MITF: variants seen among roughly 807,000 people sequenced by gnomAD.
MITF encodes microphthalmia-associated transcription factor.
A neutral mutation model predicts 60.5 loss-of-function variants in MITF; 17 were observed. The ratio of observed to expected loss-of-function variants is 0.28; its 90% CI spans 0.19 to 0.42. MITF has a LOEUF of 0.42. MITF is among the 10% of genes least tolerant of loss of function. The pLI, the probability that MITF is intolerant of heterozygous loss-of-function variation, is 1.00. For missense variants in MITF, 622 were observed against 683.5 expected (o/e 0.91, Z 1.00); for synonymous variants, 260 against 248.5 (o/e 1.05, Z -0.43).
chr3:69,893,013 T>C (rs1432552775), intron 2 of MITF, among the ~76,000 whole-genome samples: 1 of 152,196 alleles, frequency 6.6e-6, no homozygotes, highest in African/African-American at 2.4e-5. Flanking sequence ...GATCAACTCT[T>C]TCTGATGCTG....
intron 1 of MITF, among the ~76,000 whole-genome samples, chr3:69,791,701 T>A (rs1366407466): frequency 6.6e-6 from 1 of 152,206 alleles, no homozygotes; most frequent in Non-Finnish European, 1.5e-5. Flanking sequence ...GCTGGTGGCA[T>A]CTAATGGCAA....
chr3:69,954,081 A>G lies in MITF; in HGVS notation c.955+2195A>G, dbSNP rs547537044. Among the ~76,000 whole-genome samples the G allele has an allele frequency of 1.4e-4, 22 of 152,236 alleles. 1 individual carries two copies. The highest frequency in any genetic ancestry group is 4.6e-4 in the African/African-American group (19 of 41,534). ...TTTTTGAAATTTTTTACTAGCTTAT[A>G]TCTTCTTTCTAATAAATGATTGGAA... On this transcript the variant is annotated intron_variant, in intron 7 of 9. Transcript: ENST00000352241.
In MITF at chr3:69,938,407, C is replaced by CA. The variant is rs576707981; in HGVS notation, c.582+363dup. The CA allele has an allele frequency of 2.4e-4, 373 of 1,549,170 alleles. 2 individuals are homozygous for CA. The South Asian group carries it at 4.3e-3, about 18-fold the overall frequency. Reference sequence around the variant, plus strand: ...AGAAGGGGAGGTGGAAAAGGAAAAGCAAAAATAGAAGAGGTGTGGGACATG... The same window carrying CA: ...AGAAGGGGAGGTGGAAAAGGAAAAGCAAAAAATAGAAGAGGTGTGGGACATG... On this transcript the variant is annotated intron_variant, in intron 3 of 9. Transcript: ENST00000352241.
At chr3:69,813,866 G>A (rs139719497) in intron 1 of MITF, among the ~76,000 whole-genome samples, 1 of 152,250 alleles carries the variant, frequency 6.6e-6, no homozygotes, top group African/African-American at 2.4e-5. Context: ...GAAAGATTGC[G>A]AATCCATTAC....
At chr3:69,761,750 A>G (rs2062215429) in intron 1 of MITF, among the ~76,000 whole-genome samples, 1 of 152,212 alleles carries the variant, frequency 6.6e-6, no homozygotes, top group Non-Finnish European at 1.5e-5. Flanking sequence ...CCTCCAAGAA[A>G]GGTAGGAAAA....
chr3:69,782,374 G>A (rs1371950082), intron 1 of MITF, among the ~76,000 whole-genome samples: 1 of 152,164 alleles, frequency 6.6e-6, no homozygotes, highest in Admixed American at 6.5e-5. Flanking sequence ...TAGAATAATA[G>A]TAGCTAACAT....
intron 2 of MITF, among the ~76,000 whole-genome samples, chr3:69,926,037 T>A (rs896205216): frequency 6.6e-6 from 1 of 152,144 alleles, no homozygotes; most frequent in African/African-American, 2.4e-5. Flanking sequence ...CCTAGATGAG[T>A]GCTGAGTAAA....
intron 1 of MITF, among the ~76,000 whole-genome samples, chr3:69,818,441 G>A (rs982863160): frequency 6.6e-6 from 1 of 152,038 alleles, no homozygotes; most frequent in Non-Finnish European, 1.5e-5. Flanking sequence ...TCAAATCTTA[G>A]CTTCAGTATC....
intron 9 of MITF, among the ~76,000 whole-genome samples, chr3:69,963,946 CTGAA>C (rs1410181055): frequency 4.8e-5 from 7 of 145,014 alleles, no homozygotes; most frequent in Non-Finnish European, 3.0e-5. Context: ...GAACTCTTTA[CTGAA>C]TATGTTTCTT....
intron 1 of MITF, among the ~76,000 whole-genome samples, chr3:69,873,123 G>T (rs1286652276): frequency 6.6e-6 from 1 of 152,174 alleles, no homozygotes; most frequent in Non-Finnish European, 1.5e-5. Flanking sequence ...CAAGTTAGGT[G>T]TTGACAGAAG....
intron 1 of MITF, among the ~76,000 whole-genome samples, chr3:69,744,731 A>G (rs892482094): frequency 9.2e-5 from 14 of 152,256 alleles, no homozygotes; most frequent in African/African-American, 2.9e-4. Flanking sequence ...GTTGTTACGC[A>G]ACACAGTTCT....
In MITF at chr3:69,739,489, G is replaced by T. The variant is rs1004607681; in HGVS notation, c.-109G>T. 4.9e-6 allele frequency: 5 copies of T among 1,012,718 alleles called. No homozygotes were observed. The highest frequency in any genetic ancestry group is 4.3e-5 in the South Asian group (3 of 70,512). The allele number at this position is 1,012,718 out of a possible 1,614,324, so 62.7% of individuals were successfully genotyped here. ...GCGAGCCGGCGAGCGGGCAGAGCTC[G>T]GCACTGCGCCGGGGCGCACGGCTCG... On this transcript the variant is annotated 5_prime_UTR_variant, in exon 1 of 10. Transcript: ENST00000352241.
In MITF at chr3:69,966,298, A is replaced by G; in HGVS notation, c.*1050A>G. 4.3e-6 allele frequency: 1 copy of G among 232,950 alleles called. No homozygotes were observed. The highest frequency in any genetic ancestry group is 6.1e-5 in the East Asian group (1 of 16,390). The allele number at this position is 232,950 out of a possible 1,614,324, so 14.4% of individuals were successfully genotyped here. A position where few individuals can be genotyped will look rare whatever the true frequency, so the allele number is the denominator to read the frequency against. On this transcript the variant is annotated 3_prime_UTR_variant, in exon 10 of 10. Coordinates refer to ENST00000352241, the MANE Select transcript of MITF (RefSeq NM_001354604.2). Reference sequence around the variant, plus strand: ...TGGTGGTTTTCCGCATTCTTTGTACACCCATGAAAGAAAACTTTTATGCAA... The same window carrying G: ...TGGTGGTTTTCCGCATTCTTTGTACGCCCATGAAAGAAAACTTTTATGCAA...
chr3:69,894,014 G>A (rs1315963248), intron 2 of MITF, among the ~76,000 whole-genome samples: 2 of 152,134 alleles, frequency 1.3e-5, no homozygotes, highest in African/African-American at 4.8e-5. Flanking sequence ...ATAGACATCA[G>A]GCTATCAAAA....
At chr3:69,905,860 G>A (rs2065087714) in intron 2 of MITF, among the ~76,000 whole-genome samples, 1 of 152,048 alleles carries the variant, frequency 6.6e-6, no homozygotes, top group South Asian at 2.1e-4. Context: ...TCTGTGTTTT[G>A]AGAGTTCTTT....
intron 2 of MITF, among the ~76,000 whole-genome samples, chr3:69,930,626 T>A (rs2065698683): frequency 6.6e-6 from 1 of 152,220 alleles, no homozygotes; most frequent in Non-Finnish European, 1.5e-5. Flanking sequence ...ATTTGTTGAT[T>A]GAATGGTGAA....
At chr3:69,770,857 G>T (rs1469308068) in intron 1 of MITF, among the ~76,000 whole-genome samples, 3 of 152,168 alleles carry the variant, frequency 2.0e-5, no homozygotes, top group African/African-American at 7.2e-5. Context: ...AGGTTTCTTT[G>T]AAGGTAATAT....
At chr3:69,939,938 A>G (rs1433382508) in intron 4 of MITF, among the ~76,000 whole-genome samples, 2 of 152,234 alleles carry the variant, frequency 1.3e-5, no homozygotes, top group Non-Finnish European at 2.9e-5. Context: ...ATCATCTCTT[A>G]AAGACAAACA....
intron 1 of MITF, among the ~76,000 whole-genome samples, chr3:69,857,110 C>G (rs994160443): frequency 6.6e-6 from 1 of 152,020 alleles, no homozygotes; most frequent in East Asian, 1.9e-4. Context: ...GTGACCTAAA[C>G]AGACATGGTT....
Sources: gnomAD v4.1 joint callset for allele counts (sites outside exome capture counted in the v4.1 genomes callset) on GRCh38, gnomAD v4.1.1 for gene constraint, MANE v1.5 for transcripts, NCBI Gene and HGNC (gene_info 2026-07-23, HGNC 2026-07-21) for gene names.